Variants in SRPK1 observed in about 807,000 individuals in gnomAD.
SRPK1 encodes the protein SRSF protein kinase 1.
A neutral mutation model predicts 89.5 loss-of-function variants in SRPK1; 52 were observed. The observed-to-expected ratio is 0.58, with a 90% confidence interval of 0.46 to 0.73. The LOEUF is 0.73. Ranked by LOEUF, SRPK1 falls within the 30% of genes least tolerant of loss-of-function variation. The probability of loss-of-function intolerance (pLI) is 0.00; values close to 1 mark genes in which losing one functional copy is unlikely to be tolerated. For missense variants in SRPK1, 603 were observed against 780.6 expected (o/e 0.77, Z 2.71); for synonymous variants, 255 against 270.2 (o/e 0.94, Z 0.55).
rs1769900196 is a variant in SRPK1 at position 35,866,238 on chromosome 6, G to C, written c.1512+2772C>G. Among the ~76,000 whole-genome samples, 4 of 152,082 alleles carry C rather than the reference G, an allele frequency of 2.6e-5. No homozygotes were observed. In the South Asian group the frequency reaches 8.3e-4, roughly 32 times the overall value. On this transcript the variant is annotated intron_variant, in intron 12 of 15. Transcript: ENST00000373825. The stretch of plus-strand genomic sequence containing the variant: ...CATGTTGGAGAGGATGTGGAGAAAA[G>C]GGACTTCTTACACACTCTTGGTGGG...
chr6:35,886,875 G>A, intron 5 of SRPK1, 64 bp from the exon 6 acceptor site: 1 of 874,574 alleles, frequency 1.1e-6, no homozygotes, highest in East Asian at 2.5e-5. Context: ...AGATGGTAGG[G>A]GAAGAATACT....
chr6:35,919,966 G>A, intron 2 of SRPK1: 2 of 406,516 alleles, frequency 4.9e-6, no homozygotes, highest in South Asian at 1.8e-5. Flanking sequence ...ACTAACCCAG[G>A]GAAAAGCCCC....
intron 2 of SRPK1, among the ~76,000 whole-genome samples, chr6:35,913,108 C>T (rs2127269282): frequency 6.6e-6 from 1 of 152,350 alleles, no homozygotes; most frequent in Admixed American, 6.5e-5. Flanking sequence ...TAAGCACCCG[C>T]AGCCTTATTC....
chr6:35,899,215 T>C (rs1009354818), intron 2 of SRPK1, among the ~76,000 whole-genome samples: 9 of 152,176 alleles, frequency 5.9e-5, no homozygotes, highest in Non-Finnish European at 1.2e-4. Flanking sequence ...GCAACCACTA[T>C]ACTCCAAACA....
At position 35,833,554 on chromosome 6, in the gene SRPK1, A is replaced by G. The variant is rs965225500; in HGVS notation, c.*1750T>C. 2 of 152,656 alleles carry G rather than the reference A, an allele frequency of 1.3e-5. No homozygotes were observed. The highest frequency in any genetic ancestry group is 4.8e-5 in the African/African-American group (2 of 41,456). The allele number at this position is 152,656 out of a possible 1,614,324, so 9.5% of individuals were successfully genotyped here. ...TCCCTGCCGTTGTTTGATACAATCT[A>G]TTCTCTTGATTCTTGATAGGTGCAT... On this transcript the variant is annotated 3_prime_UTR_variant, in exon 16 of 16. Transcript: ENST00000373825.
At chr6:35,919,216 T>C (rs1771174773) in intron 2 of SRPK1, among the ~76,000 whole-genome samples, 1 of 152,180 alleles carries the variant, frequency 6.6e-6, no homozygotes, top group South Asian at 2.1e-4. Flanking sequence ...TTTACAAGAC[T>C]TCGTCACCAA....
At position 35,872,695 on chromosome 6, in the gene SRPK1, A is replaced by G. The variant is rs1289530459; in HGVS notation, c.619T>C (p.Cys207Arg). Residue 207 changes from cysteine (C) to arginine (R), a missense_variant, in exon 8 of 16, where the codon TGC (cysteine) becomes CGC (arginine). Coordinates refer to ENST00000373825, the MANE Select transcript of SRPK1 (RefSeq NM_003137.5). Reference sequence around the variant, plus strand: ...TTAATGTCAGTGTGGATGATACGGCACTTGGTATGTAAATAATCAAGACCC... The same window carrying G: ...TTAATGTCAGTGTGGATGATACGGCGCTTGGTATGTAAATAATCAAGACCC... ...LQGLDYLHTK[C>R]RIIHTDIKPE... 1 of 1,609,602 alleles carries G rather than the reference A, an allele frequency of 6.2e-7. No individual in the cohort carries two copies. Among genetic ancestry groups the G allele is most frequent in the South Asian group, 1.1e-5 (1 of 89,688 alleles).
chr6:35,916,000 ACACAC>A (rs1771091399), intron 2 of SRPK1, among the ~76,000 whole-genome samples: 1 of 15,720 alleles, frequency 6.4e-5, no homozygotes, highest in African/African-American at 3.4e-4. Context: ...AAATATATAC[ACACAC>A]ACACACACAC....
At chr6:35,870,005 T>C in intron 10 of SRPK1, 104 bp from the exon 11 acceptor site, 1 of 1,308,976 alleles carries the variant, frequency 7.6e-7, no homozygotes, top group Admixed American at 2.5e-5. Context: ...TTATACTGAG[T>C]GACATAAAAA....
intron 15 of SRPK1, among the ~76,000 whole-genome samples, chr6:35,838,089 C>T (rs1170629223): frequency 1.3e-5 from 2 of 152,046 alleles, no homozygotes; most frequent in Non-Finnish European, 2.9e-5. Context: ...AGGCTGTTCT[C>T]AAACTCCTGA....
At chr6:35,871,375 C>G (rs1299690447) in intron 8 of SRPK1, among the ~76,000 whole-genome samples, 1 of 152,212 alleles carries the variant, frequency 6.6e-6, no homozygotes, top group African/African-American at 2.4e-5. Flanking sequence ...TCATGGATAA[C>G]AGTGTAGCTT....
intron 13 of SRPK1, among the ~76,000 whole-genome samples, chr6:35,851,277 C>T (rs930445476): frequency 4.0e-5 from 6 of 151,550 alleles, no homozygotes; most frequent in African/African-American, 1.2e-4. Flanking sequence ...TGGGTTCTAG[C>T]GATTCTCGTG....
chr6:35,882,118 C>CTAGTAGTAGTAGTAG (rs59881690), intron 6 of SRPK1, among the ~76,000 whole-genome samples: 29 of 140,168 alleles, frequency 2.1e-4, no homozygotes, highest in South Asian at 6.9e-4. Context: ...AGTAGTAGTA[C>CTAGTAGTAGTAGTAG]TAGTAGTAGT....
intron 6 of SRPK1, among the ~76,000 whole-genome samples, chr6:35,883,320 C>T (rs952066204): frequency 1.3e-5 from 2 of 151,882 alleles, no homozygotes; most frequent in Admixed American, 6.6e-5. Flanking sequence ...ACCTGGGAGG[C>T]GGAGGTTGCA....
intron 14 of SRPK1, among the ~76,000 whole-genome samples, chr6:35,841,787 G>GC (rs1043969149): frequency 5.3e-5 from 7 of 131,790 alleles, no homozygotes; most frequent in Admixed American, 4.6e-4. Context: ...AGCCGAGATC[G>GC]CACCACCGCA....
At chr6:35,845,523 A>G (rs1293888946) in intron 13 of SRPK1, among the ~76,000 whole-genome samples, 2 of 152,262 alleles carry the variant, frequency 1.3e-5, no homozygotes, top group Non-Finnish European at 2.9e-5. Flanking sequence ...AGATAGCATG[A>G]AATGCATGGA....
chr6:35,884,199 T>G (rs1378076539), intron 6 of SRPK1, among the ~76,000 whole-genome samples: 1 of 152,086 alleles, frequency 6.6e-6, no homozygotes, highest in Non-Finnish European at 1.5e-5. Flanking sequence ...AAAAGTATCC[T>G]AAAGACATAG....
intron 6 of SRPK1, among the ~76,000 whole-genome samples, chr6:35,879,157 C>A (rs930221711): frequency 6.6e-6 from 1 of 152,188 alleles, no homozygotes; most frequent in African/African-American, 2.4e-5. Context: ...AGTGACTGCG[C>A]ATGCCCAGGA....
chr6:35,856,061 G>A (rs1769659943), intron 13 of SRPK1, among the ~76,000 whole-genome samples: 1 of 152,200 alleles, frequency 6.6e-6, no homozygotes, highest in African/African-American at 2.4e-5. Flanking sequence ...GGACATACGG[G>A]AAAGACCAAC....
Sources: gnomAD v4.1 joint callset for allele counts (sites outside exome capture counted in the v4.1 genomes callset) on GRCh38, gnomAD v4.1.1 for gene constraint, MANE v1.5 for transcripts, NCBI Gene and HGNC (gene_info 2026-07-23, HGNC 2026-07-21) for gene names.